Variants in HTR3A observed in about 807,000 individuals in gnomAD.
The protein encoded by HTR3A is 5-hydroxytryptamine (serotonin) receptor 3A, ionotropic.
A neutral mutation model predicts 54.8 loss-of-function variants in HTR3A; 45 were observed. That is an observed-to-expected ratio of 0.82 (90% confidence interval 0.65 to 1.05). The LOEUF (loss-of-function observed/expected upper bound fraction) is 1.05. Ranked by LOEUF, HTR3A falls within the 50% of genes least tolerant of loss-of-function variation. The probability of loss-of-function intolerance (pLI) is 0.00; values close to 1 mark genes in which losing one functional copy is unlikely to be tolerated. For synonymous variants in HTR3A, 297 were observed against 256.0 expected (o/e 1.16, Z -1.53); for missense variants, 657 against 614.0 (o/e 1.07, Z -0.74).
At chr11:113,987,148 G>A in intron 8 of HTR3A, 102 bp downstream of exon 8, 2 of 1,234,252 alleles carry the variant, frequency 1.6e-6, no homozygotes, top group Non-Finnish European at 2.3e-6. Context: ...GTGCTGTACT[G>A]CACATGGCAT....
intron 2 of HTR3A, among the ~76,000 whole-genome samples, 197 bp from the exon 3 acceptor site, chr11:113,979,036 C>T (rs2137570917): frequency 6.6e-6 from 1 of 152,308 alleles, no homozygotes; most frequent in African/African-American, 2.4e-5. Flanking sequence ...TCTGCGTATG[C>T]TCTAGTGAAC....
intron 5 of HTR3A, 95 bp downstream of exon 5, chr11:113,983,384 T>A: frequency 1.6e-6 from 2 of 1,281,740 alleles, no homozygotes; most frequent in East Asian, 2.3e-5. Context: ...TTCTCACGTA[T>A]CCAGCCTACT....
At chr11:113,982,421 T>C (rs1223472296) in intron 4 of HTR3A, among the ~76,000 whole-genome samples, 1 of 152,210 alleles carries the variant, frequency 6.6e-6, no homozygotes, top group Non-Finnish European at 1.5e-5. Flanking sequence ...TCCCAGTTTC[T>C]GCTGGCTCTC....
intron 1 of HTR3A, among the ~76,000 whole-genome samples, chr11:113,976,172 G>A (rs1950349007): frequency 6.6e-6 from 1 of 152,168 alleles, no homozygotes; most frequent in African/African-American, 2.4e-5. Flanking sequence ...AGAGCTCTGG[G>A]TAAGATGTCC....
At chr11:113,984,709 G>A (rs1307615609) in intron 5 of HTR3A, among the ~76,000 whole-genome samples, 2 of 152,158 alleles carry the variant, frequency 1.3e-5, no homozygotes, top group Non-Finnish European at 2.9e-5. Flanking sequence ...ACGAGGTCAT[G>A]AGATTGAGAC....
chr11:113,979,976 C>CTT (rs992526403), intron 3 of HTR3A, among the ~76,000 whole-genome samples: 1 of 152,180 alleles, frequency 6.6e-6, no homozygotes, highest in Admixed American at 6.5e-5. Flanking sequence ...AAGTGGGTCT[C>CTT]TGTTATCCCT....
At chr11:113,983,948 T>C (rs1299411801) in intron 5 of HTR3A, among the ~76,000 whole-genome samples, 1 of 152,226 alleles carries the variant, frequency 6.6e-6, no homozygotes, top group African/African-American at 2.4e-5. Flanking sequence ...ATCCACCCTC[T>C]TGAGCTGACT....
rs35592083 is a variant in HTR3A, at chr11:113,989,508, C to T, written c.1182C>T (p.Phe394=). ...HCSHMGGPQD[F]EKSPRDRCSP... ...GCCACATGGGAGGACCCCAGGACTT[C>T]GAGAAGAGCCCGAGGGACAGATGTA... is the stretch of plus-strand genomic sequence containing the variant. The change falls in exon 9 of 9, where the codon TTC becomes TTT. Residue 394 remains phenylalanine (F), a synonymous_variant. Coordinates refer to ENST00000504030, the MANE Select transcript of HTR3A (RefSeq NM_000869.6). This position sits in a 1 kb window ranked among gnomAD's most constrained non-coding sequence, Gnocchi z 4.4. The T allele has an allele frequency of 3.5e-5, 57 of 1,614,008 alleles. No homozygotes were observed. In the East Asian group the frequency reaches 3.8e-4, roughly 11 times the overall value.
At chr11:113,984,627 G>A (rs1444645844) in intron 5 of HTR3A, among the ~76,000 whole-genome samples, 1 of 152,118 alleles carries the variant, frequency 6.6e-6, no homozygotes, top group East Asian at 1.9e-4. Flanking sequence ...TTGCAAGAAG[G>A]CATCCCCCAG....
intron 4 of HTR3A, 104 bp downstream of exon 4, chr11:113,981,416 C>T (rs1367494017): frequency 2.7e-6 from 2 of 747,480 alleles, no homozygotes; most frequent in Non-Finnish European, 4.9e-6. Context: ...GATGTCCCAC[C>T]AGGAATTGCA....
At chr11:113,987,953 A>G (rs1403547379) in intron 8 of HTR3A, among the ~76,000 whole-genome samples, 1 of 152,226 alleles carries the variant, frequency 6.6e-6, no homozygotes, top group African/African-American at 2.4e-5. Context: ...GATCACATGT[A>G]ATACTCATGA....
At chr11:113,984,212 A>G (rs1950460675) in intron 5 of HTR3A, among the ~76,000 whole-genome samples, 1 of 151,804 alleles carries the variant, frequency 6.6e-6, no homozygotes, top group African/African-American at 2.4e-5. Flanking sequence ...TTACCCTCTC[A>G]TCCCCTAGAC....
intron 5 of HTR3A, among the ~76,000 whole-genome samples, chr11:113,984,507 G>T (rs529022105): frequency 6.0e-4 from 92 of 152,312 alleles, no homozygotes; most frequent in Non-Finnish European, 9.3e-4. Flanking sequence ...CCCACCTTTA[G>T]ATCCCCAGCA....
intron 1 of HTR3A, 59 bp downstream of exon 1, chr11:113,975,451 G>A (rs1950340667): frequency 1.4e-6 from 2 of 1,415,432 alleles, no homozygotes; most frequent in Non-Finnish European, 2.0e-6. Context: ...GTGGGGCAGG[G>A]GATGCTTCAG....
chr11:113,985,861 A>C (rs1039179427), intron 5 of HTR3A, among the ~76,000 whole-genome samples, 154 bp from the exon 6 acceptor site: 8 of 152,132 alleles, frequency 5.3e-5, no homozygotes, highest in Non-Finnish European at 1.2e-4. Flanking sequence ...TTTATAGCTG[A>C]GGACACTGAG....
intron 6 of HTR3A, 23 bp downstream of exon 6, chr11:113,986,198 A>G (rs756967988): frequency 8.1e-6 from 13 of 1,613,574 alleles, no homozygotes; most frequent in African/African-American, 1.3e-5. Context: ...GAATGTGGGT[A>G]AAATGGTGAA....
At chr11:113,981,967 A>AG (rs1950426894) in intron 4 of HTR3A, among the ~76,000 whole-genome samples, 1 of 152,032 alleles carries the variant, frequency 6.6e-6, no homozygotes. Flanking sequence ...TCTCCAAAAA[A>AG]AAAAAAACAA....
rs1950417332 is a variant in HTR3A, at chr11:113,981,190, G to T, written c.265-13G>T. The T allele has an allele frequency of 1.0e-5, 16 of 1,550,940 alleles. No homozygotes were observed. Among genetic ancestry groups the T allele is most frequent in the Non-Finnish European group, 1.4e-5 (16 of 1,122,540 alleles). On this transcript the variant is annotated splice_polypyrimidine_tract_variant and intron_variant, in intron 3 of 8. Coordinates refer to ENST00000504030, the MANE Select transcript of HTR3A (RefSeq NM_000869.6). ...GAGGGGGCTGCCTGTGACCATCCCT[G>T]CTCCTCCCCTAGTACTGGACTGATG...
intron 1 of HTR3A, chr11:113,977,408 G>A (rs1208137208): frequency 1.4e-6 from 1 of 700,644 alleles, no homozygotes; most frequent in Non-Finnish European, 2.4e-6. Context: ...TACCCTGAGA[G>A]CCAGCTTCCT....
Sources: allele counts gnomAD v4.1 joint callset (sites outside exome capture counted in the v4.1 genomes callset), GRCh38; gene constraint gnomAD v4.1.1; non-coding constraint Gnocchi (gnomAD v3.1); transcripts MANE v1.5; gene names NCBI Gene and HGNC (gene_info 2026-07-23, HGNC 2026-07-21).